The following SFMBT2 variants were observed in gnomAD, a reference collection of about 807,000 sequenced individuals.
SFMBT2 encodes the protein scm-like with four MBT domains protein 2.
SFMBT2 carries 38 observed loss-of-function variants against 110.1 expected under a neutral mutation model. That is an observed-to-expected ratio of 0.35 (90% confidence interval 0.27 to 0.45). The LOEUF is 0.45. Ranked by LOEUF, SFMBT2 falls within the 20% of genes least tolerant of loss-of-function variation. SFMBT2 has a pLI of 1.00. For missense variants in SFMBT2, 1,011 were observed against 1,094.9 expected, an observed-to-expected ratio of 0.92 and a Z score of 1.08; for synonymous variants, 425 against 425.4, an observed-to-expected ratio of 1.00 and a Z score of 0.01.
At chr10:7,283,644 C>A (rs1842009075) in intron 6 of SFMBT2, among the ~76,000 whole-genome samples, 1 of 152,202 alleles carries the variant, frequency 6.6e-6, no homozygotes, top group South Asian at 2.1e-4. Flanking sequence ...CTGTGTCTTT[C>A]CTTTCTGAAC....
At chr10:7,324,961 CTTTTTTTTT>C (rs869253757) in intron 4 of SFMBT2, among the ~76,000 whole-genome samples, 5 of 92,142 alleles carry the variant, frequency 5.4e-5, no homozygotes, top group South Asian at 3.7e-4. Context: ...AGAGGCCCCA[CTTTTTTTTT>C]TTTTTTTTTT....
chr10:7,265,948 A>G (rs1841374548), intron 7 of SFMBT2, among the ~76,000 whole-genome samples: 1 of 152,224 alleles, frequency 6.6e-6, no homozygotes, highest in African/African-American at 2.4e-5. Flanking sequence ...CAAATGCAAA[A>G]AACTATTTAA....
At chr10:7,224,220 A>G (rs1445150330) in intron 10 of SFMBT2, among the ~76,000 whole-genome samples, 2 of 152,168 alleles carry the variant, frequency 1.3e-5, no homozygotes, top group African/African-American at 2.4e-5. Flanking sequence ...TTATCAAGCT[A>G]TCACCTTGGT....
chr10:7,248,633 C>T lies in SFMBT2; in HGVS notation c.887G>A (p.Arg296Gln), dbSNP rs749641760. 32 of 1,614,000 alleles carry T rather than the reference C, an allele frequency of 2.0e-5. No homozygotes were observed. Among genetic ancestry groups the T allele is most frequent in the Admixed American group, 6.7e-5 (4 of 60,002 alleles). Residue 296 changes from arginine to glutamine, a missense_variant, in exon 8 of 21, where the codon CGA (arginine) becomes CAA (glutamine). Physicochemically the swap from Arg to Gln is conservative, Grantham distance 43 (BLOSUM62 1). This residue lies in a region of SFMBT2 where 979 missense variants were observed against 1,016.1 expected (regional missense o/e 0.96). Transcript: ENST00000397167. ...MEVFKDHADL[R>Q]SHFFTVGMKL... ...CATCCCAACTGTGAAGAAATGGCTTCGCAAATCTGCGTGATCCTGCAGGGA... is the reference window on the plus strand; with the variant it reads ...CATCCCAACTGTGAAGAAATGGCTTTGCAAATCTGCGTGATCCTGCAGGGA...
chr10:7,306,751 A>G (rs1842711082), intron 4 of SFMBT2, among the ~76,000 whole-genome samples: 1 of 149,978 alleles, frequency 6.7e-6, no homozygotes, highest in Admixed American at 6.7e-5. Context: ...GAAAAAAAAG[A>G]GGAAGGAAAG....
In SFMBT2 at chr10:7,237,057, T is replaced by C. The variant is rs1588371061; in HGVS notation, c.1120+6501A>G. Among the ~76,000 whole-genome samples, 6 of 152,312 alleles carry C rather than the reference T, an allele frequency of 3.9e-5. No homozygotes were observed. The East Asian group carries it at 1.2e-3, about 29-fold the overall frequency. On this transcript the variant is annotated intron_variant, in intron 9 of 20. Coordinates refer to ENST00000397167, the MANE Select transcript of SFMBT2 (RefSeq NM_001387889.1). ...CCCTCAGAGGGGCCATGCTTAATCC[T>C]GGGAATACCGCAAAACAGGGAGGGT... is the stretch of plus-strand genomic sequence containing the variant.
At chr10:7,391,427 C>T (rs542105433) in intron 1 of SFMBT2, among the ~76,000 whole-genome samples, 5 of 146,648 alleles carry the variant, frequency 3.4e-5, no homozygotes, top group African/African-American at 1.3e-4. Context: ...GATAGCGCTA[C>T]TGCACTCCAG....
intron 11 of SFMBT2, among the ~76,000 whole-genome samples, chr10:7,208,660 T>C (rs1256983360): frequency 6.9e-6 from 1 of 145,786 alleles, no homozygotes; most frequent in African/African-American, 2.6e-5. Flanking sequence ...CGCTCCAGCC[T>C]GGGCAACAAG....
rs1429857720 is a variant in SFMBT2 at position 7,160,193 on chromosome 10, C to T, written c.*3577G>A. 1.3e-5 allele frequency: 2 copies of T among 152,160 alleles called. No homozygotes were observed. Among genetic ancestry groups the T allele is most frequent in the East Asian group, 1.9e-4 (1 of 5,198 alleles). The allele number at this position is 152,160 out of a possible 1,614,324, so 9.4% of individuals were successfully genotyped here. On this transcript the variant is annotated 3_prime_UTR_variant, in exon 21 of 21. Coordinates refer to ENST00000397167, the MANE Select transcript of SFMBT2 (RefSeq NM_001387889.1). ...ATGAGTTCCCCACGCTGTGCAGCTC[C>T]GTGGTGAAGTTCACTGTGTTTTGCT...
chr10:7,311,001 C>G (rs1233864988), intron 4 of SFMBT2, among the ~76,000 whole-genome samples: 1 of 140,052 alleles, frequency 7.1e-6, no homozygotes, highest in Non-Finnish European at 1.5e-5. Flanking sequence ...GAGCCAAGAT[C>G]GTGCTATTGC....
At position 7,370,385 on chromosome 10, in the gene SFMBT2, AACAAAAGAACAGAAT is replaced by A; in HGVS notation, c.101-25_101-11del. ...AAGCTTGAGCCTTCTTCTGTTGAAA[AACAAAAGAACAGAAT>A]ATCAATACTGGAGTGGAGGACAGAA... is the stretch of plus-strand genomic sequence containing the variant. On this transcript the variant is annotated splice_polypyrimidine_tract_variant and intron_variant, in intron 2 of 20. Coordinates refer to ENST00000397167, the MANE Select transcript of SFMBT2 (RefSeq NM_001387889.1). The A allele has an allele frequency of 1.9e-6, 3 of 1,610,118 alleles. No homozygotes were observed. Among genetic ancestry groups the A allele is most frequent in the Non-Finnish European group, 2.5e-6 (3 of 1,176,480 alleles).
At chr10:7,266,729 GATGGGACAGTCC>G (rs1339147186) in intron 7 of SFMBT2, among the ~76,000 whole-genome samples, 4 of 152,242 alleles carry the variant, frequency 2.6e-5, no homozygotes, top group Admixed American at 2.0e-4. Context: ...GCTCTGGCGT[GATGGGACAGTCC>G]ATGGGACAGA....
chr10:7,324,330 CT>C (rs1843303379), intron 4 of SFMBT2, among the ~76,000 whole-genome samples: 1 of 152,136 alleles, frequency 6.6e-6, no homozygotes, highest in Non-Finnish European at 1.5e-5. Context: ...TAAAGGTTTG[CT>C]AAACACTGCG....
At chr10:7,342,983 C>A (rs1843979842) in intron 4 of SFMBT2, among the ~76,000 whole-genome samples, 1 of 152,054 alleles carries the variant, frequency 6.6e-6, no homozygotes, top group African/African-American at 2.4e-5. Context: ...ATTTTGTCAC[C>A]CAGATAATTA....
At chr10:7,193,855 A>G (rs538029121) in intron 15 of SFMBT2, among the ~76,000 whole-genome samples, 1 of 152,244 alleles carries the variant, frequency 6.6e-6, no homozygotes, top group Non-Finnish European at 1.5e-5. Context: ...TTTTGGTCAT[A>G]GGAGGCGAGC....
At chr10:7,228,740 CTCTCT>C (rs1693412313) in intron 9 of SFMBT2, among the ~76,000 whole-genome samples, 12 of 32,698 alleles carry the variant, frequency 3.7e-4, no homozygotes, top group African/African-American at 4.0e-4. Context: ...TCTTTCCTTT[CTCTCT>C]CTCTCTCTCT....
intron 2 of SFMBT2, among the ~76,000 whole-genome samples, chr10:7,376,772 A>G (rs1322297998): frequency 7.9e-6 from 1 of 127,268 alleles, no homozygotes; most frequent in African/African-American, 2.9e-5. Flanking sequence ...TGGTAATGAG[A>G]CTGAGGCCAG....
intron 4 of SFMBT2, among the ~76,000 whole-genome samples, chr10:7,360,678 A>C (rs1844687745): frequency 6.6e-6 from 1 of 152,192 alleles, no homozygotes; most frequent in Non-Finnish European, 1.5e-5. Flanking sequence ...ATTAAAATTA[A>C]ATACTGTTTA....
At chr10:7,176,529 T>C in intron 16 of SFMBT2, 3 of 985,300 alleles carry the variant, frequency 3.0e-6, no homozygotes, top group Non-Finnish European at 3.6e-6. Flanking sequence ...TTCCTGTTGC[T>C]ATCATATTTC....
Sources: gnomAD v4.1 joint callset for allele counts (sites outside exome capture counted in the v4.1 genomes callset) on GRCh38, gnomAD v4.1.1 for gene constraint, gnomAD v4.1.1 regional missense constraint, MANE v1.5 for transcripts, NCBI Gene and HGNC (gene_info 2026-07-23, HGNC 2026-07-21) for gene names.